Variants in SYTL1 observed in about 807,000 individuals in gnomAD.
SYTL1 encodes the protein synaptotagmin like 1.
In SYTL1, 53 loss-of-function variants were observed where a neutral mutation model predicts 74.6. The ratio of observed to expected loss-of-function variants is 0.71; its 90% confidence interval spans 0.57 to 0.89. The LOEUF is 0.89. Among genes scored for constraint, SYTL1 ranks in the 40% least tolerant of loss-of-function variants. The pLI is 0.00. For synonymous variants in SYTL1, 329 were observed against 324.9 expected, an observed-to-expected ratio of 1.01 and a Z score of -0.14; for missense variants, 728 against 768.7, an observed-to-expected ratio of 0.95 and a Z score of 0.63.
Position 27,351,194 on chromosome 1 carries a change from G to C in SYTL1, c.1165-64G>C. The C allele has an allele frequency of 2.6e-6, 4 of 1,531,314 alleles. No individual in the cohort carries two copies. The highest frequency in any genetic ancestry group is 2.3e-4 in the Middle Eastern group (1 of 4,316). The allele number at this position is 1,531,314 out of a possible 1,614,324, so 94.9% of individuals were successfully genotyped here. ...TAGCCGCACCCCATCCGGGTCTGCA[G>C]ACCCCACCCTCCTGAGGCCCCTTTC... On this transcript the variant is annotated intron_variant, in intron 11 of 14. Transcript: ENST00000616558. This position sits in a 1 kb window ranked among gnomAD's most constrained non-coding sequence, Gnocchi z 5.0.
At position 27,351,049 on chromosome 1, in the gene SYTL1, C is replaced by T; in HGVS notation, c.1164+97C>T. 6.9e-7 allele frequency: 1 copy of T among 1,454,346 alleles called. No homozygotes were observed. The highest frequency in any genetic ancestry group is 9.4e-7 in the Non-Finnish European group (1 of 1,068,724). 90.1% of individuals were successfully genotyped at this position (1,454,346 alleles called of 1,614,324 possible). On this transcript the variant is annotated intron_variant, in intron 11 of 14. Transcript: ENST00000616558. This position sits in a 1 kb window ranked among gnomAD's most constrained non-coding sequence, Gnocchi z 5.0. The stretch of plus-strand genomic sequence containing the variant: ...CAGCCCCCTCACACCCCGCCTTCGA[C>T]AGAACCTCCCCTCAACCTCTTAACC...
chr1:27,349,788 C>T (rs2015170192), intron 8 of SYTL1, 23 bp downstream of exon 8: 2 of 1,572,778 alleles, frequency 1.3e-6, no homozygotes, highest in Non-Finnish European at 1.7e-6. Context: ...GGAGGGGACC[C>T]GGGCGGCCGG....
At position 27,347,525 on chromosome 1, in the gene SYTL1, C is replaced by T. The variant is rs373705543; in HGVS notation, c.296C>T (p.Ser99Phe). 6.2e-7 allele frequency: 1 copy of T among 1,614,120 alleles called. No homozygotes were observed. Among genetic ancestry groups the T allele is most frequent in the South Asian group, 1.1e-5 (1 of 91,092 alleles). Reference protein sequence around the residue: ...SQRHHNAHFGSDLVRASMRRK... With the variant: ...SQRHHNAHFGFDLVRASMRRK... The stretch of plus-strand genomic sequence containing the variant: ...CGGCACCACAATGCCCACTTCGGCT[C>T]TGACCTTGTCCGAGCGTCTATGCGC... Residue 99 changes from serine to phenylalanine, a missense_variant, in exon 3 of 15, where the codon TCT (serine) becomes TTT (phenylalanine). Ser to Phe is a radical substitution (Grantham distance 155, BLOSUM62 -2). Coordinates refer to ENST00000616558, the MANE Select transcript of SYTL1 (RefSeq NM_001193308.2). The surrounding 1 kb of genome is among the most constrained non-coding windows in gnomAD (Gnocchi z 4.9).
chr1:27,343,758 G>A lies in SYTL1; in HGVS notation c.-38-1539G>A, dbSNP rs1167715597. Among the ~76,000 whole-genome samples the A allele has an allele frequency of 6.6e-6, 1 of 152,150 alleles. No individual in the cohort carries two copies. The highest frequency in any genetic ancestry group is 1.5e-5 in the Non-Finnish European group (1 of 68,016). ...GCTTTGAGGGTGACTCCCTCTCCCTGCCTCCAAGGAGCTCACAACCCAGTT... is the reference window on the plus strand; with the variant it reads ...GCTTTGAGGGTGACTCCCTCTCCCTACCTCCAAGGAGCTCACAACCCAGTT... On this transcript the variant is annotated intron_variant, in intron 1 of 14. Transcript: ENST00000616558. The surrounding 1 kb of genome is among the most constrained non-coding windows in gnomAD (Gnocchi z 5.2).
At position 27,343,825 on chromosome 1, in the gene SYTL1, T is replaced by G. The variant is rs1273656752; in HGVS notation, c.-38-1472T>G. The stretch of plus-strand genomic sequence containing the variant: ...TGTGCCAAAGTCTGTATGATTTTTA[T>G]GTACATCTTTATCGAGGGACATATT... On this transcript the variant is annotated intron_variant, in intron 1 of 14. Transcript: ENST00000616558. This position sits in a 1 kb window ranked among gnomAD's most constrained non-coding sequence, Gnocchi z 5.2. Among the ~76,000 whole-genome samples the G allele has an allele frequency of 6.6e-6, 1 of 152,228 alleles. No homozygotes were observed. Among genetic ancestry groups the G allele is most frequent in the Non-Finnish European group, 1.5e-5 (1 of 68,020 alleles).
chr1:27,345,112 A>T lies in SYTL1; in HGVS notation c.-38-185A>T. The T allele has an allele frequency of 2.5e-6, 1 of 404,432 alleles. No individual in the cohort carries two copies. The highest frequency in any genetic ancestry group is 4.4e-6 in the Non-Finnish European group (1 of 226,498). 25.1% of individuals were successfully genotyped at this position (404,432 alleles called of 1,614,324 possible). Reference sequence around the variant, plus strand: ...CTCTTGCTTCTTCCACTGTGTCTCCAAGTGTGTTCAAGGGCTAGTGTATGC... The same window carrying T: ...CTCTTGCTTCTTCCACTGTGTCTCCTAGTGTGTTCAAGGGCTAGTGTATGC... On this transcript the variant is annotated intron_variant, in intron 1 of 14. Coordinates refer to ENST00000616558, the MANE Select transcript of SYTL1 (RefSeq NM_001193308.2). The surrounding 1 kb of genome is among the most constrained non-coding windows in gnomAD (Gnocchi z 6.0).
In SYTL1 at chr1:27,347,969, T is replaced by C. The variant is rs1296043456; in HGVS notation, c.416T>C (p.Leu139Pro). Reference sequence around the variant, plus strand: ...GAGCGTCCTCTCCCTACTCCTAGGCTCACCATTGATGAGGCCCCTCAGGAG... The same window carrying C: ...GAGCGTCCTCTCCCTACTCCTAGGCCCACCATTGATGAGGCCCCTCAGGAG... ...KEKEEGPEPR[L>P]TIDEAPQERL... The change falls in exon 5 of 15, where the codon CTC becomes CCC. Residue 139 changes from leucine to proline, a missense_variant and splice_region_variant. Transcript: ENST00000616558. The surrounding 1 kb of genome is among the most constrained non-coding windows in gnomAD (Gnocchi z 4.9). 1 of 1,614,108 alleles carries C rather than the reference T, an allele frequency of 6.2e-7. No individual in the cohort carries two copies. Among genetic ancestry groups the C allele is most frequent in the Non-Finnish European group, 8.5e-7 (1 of 1,179,996 alleles).
chr1:27,347,974 A>G lies in SYTL1; in HGVS notation c.421A>G (p.Ile141Val). The change falls in exon 5 of 15, where the codon ATT becomes GTT. Residue 141 changes from isoleucine to valine, a missense_variant. By Grantham distance (29) the Ile-to-Val change is conservative. Coordinates refer to ENST00000616558, the MANE Select transcript of SYTL1 (RefSeq NM_001193308.2). The surrounding 1 kb of genome is among the most constrained non-coding windows in gnomAD (Gnocchi z 4.9). ...KEEGPEPRLT[I>V]DEAPQERLRE... ...TCCTCTCCCTACTCCTAGGCTCACC[A>G]TTGATGAGGCCCCTCAGGAGAGGCT... 6.2e-7 allele frequency: 1 copy of G among 1,614,160 alleles called. No homozygotes were observed. The highest frequency in any genetic ancestry group is 8.5e-7 in the Non-Finnish European group (1 of 1,179,998).
chr1:27,349,248 C>G (rs1039807746), intron 6 of SYTL1, 96 bp downstream of exon 6: 1 of 1,492,296 alleles, frequency 6.7e-7, no homozygotes, highest in Non-Finnish European at 9.1e-7. Context: ...CTCGTCACCC[C>G]CACTCCCACC....
In SYTL1 at chr1:27,342,312, G is replaced by A; in HGVS notation, c.-39+162G>A. The A allele has an allele frequency of 1.0e-6, 1 of 984,978 alleles. No homozygotes were observed. The highest frequency in any genetic ancestry group is 1.2e-6 in the Non-Finnish European group (1 of 829,542). 61.0% of individuals were successfully genotyped at this position (984,978 alleles called of 1,614,324 possible). ...TGGACAGACCCTCCTCTTGACCAAT[G>A]GGTCTGTCCCACCGTGTCAAAACAG... On this transcript the variant is annotated intron_variant, in intron 1 of 14. Coordinates refer to ENST00000616558, the MANE Select transcript of SYTL1 (RefSeq NM_001193308.2). The surrounding 1 kb of genome is among the most constrained non-coding windows in gnomAD (Gnocchi z 4.7).
At position 27,351,291 on chromosome 1, in the gene SYTL1, G is replaced by T. The variant is rs867895179; in HGVS notation, c.1198G>T (p.Gly400Trp). The T allele has an allele frequency of 1.3e-6, 2 of 1,563,270 alleles. No homozygotes were observed. Among genetic ancestry groups the T allele is most frequent in the Non-Finnish European group, 8.7e-7 (1 of 1,154,656 alleles). Residue 400 changes from glycine to tryptophan, a missense_variant, in exon 12 of 15, where the codon GGG becomes TGG. Gly to Trp is a radical substitution (Grantham distance 184). Coordinates refer to ENST00000616558, the MANE Select transcript of SYTL1 (RefSeq NM_001193308.2). The surrounding 1 kb of genome is among the most constrained non-coding windows in gnomAD (Gnocchi z 5.0). ...PPSPDDLPSR[G>W]LLALSLKYVP... ...CTCTCCCGACGACCTTCCGAGCCGCGGGTTACTCGCCCTGTCCCTCAAGTA... is the reference window on the plus strand; with the variant it reads ...CTCTCCCGACGACCTTCCGAGCCGCTGGTTACTCGCCCTGTCCCTCAAGTA...
Position 27,349,741 on chromosome 1 carries a change from G to A in SYTL1, c.723G>A (p.Ser241=). Residue 241 remains serine (S), a synonymous_variant, in exon 8 of 15, where the codon TCG becomes TCA. Transcript: ENST00000616558. ...ACCGCATGCTCAGCAGCAGCTCCTC[G>A]GTGTCCAGCCTTAACTCCTCCACGG... ...SLDRMLSSSS[S]VSSLNSSTLS... is the part of the protein sequence containing the mutation. 3.1e-6 allele frequency: 5 copies of A among 1,606,922 alleles called. No homozygotes were observed. Among genetic ancestry groups the A allele is most frequent in the Non-Finnish European group, 3.4e-6 (4 of 1,178,872 alleles).
Position 27,350,589 on chromosome 1 carries a change from C to A in SYTL1, c.1005+104C>A. ...CCAGTAACGTCATTGCCCGGAGGAT[C>A]GGCGGAGGGGGCCCATTAACTCGTT... On this transcript the variant is annotated intron_variant, in intron 10 of 14. Transcript: ENST00000616558. This position sits in a 1 kb window ranked among gnomAD's most constrained non-coding sequence, Gnocchi z 6.3. 1 of 1,131,070 alleles carries A rather than the reference C, an allele frequency of 8.8e-7. No homozygotes were observed. The highest frequency in any genetic ancestry group is 1.5e-5 in the African/African-American group (1 of 65,242). The allele number at this position is 1,131,070 out of a possible 1,614,324, so 70.1% of individuals were successfully genotyped here.
In SYTL1 at chr1:27,348,427, A is replaced by T. The variant is rs144758343; in HGVS notation, c.459+415A>T. ...CCCATGTCTATAAAAAATAAATAAA[A>T]AAAAAAGGCCGGTCGTGGCAGCTCA... On this transcript the variant is annotated intron_variant, in intron 5 of 14. Transcript: ENST00000616558. This position sits in a 1 kb window ranked among gnomAD's most constrained non-coding sequence, Gnocchi z 4.1. 1.6e-3 allele frequency among the ~76,000 whole-genome samples: 243 copies of T among 152,104 alleles called. 5 individuals are homozygous for T. In the East Asian group the frequency reaches 0.044, roughly 27 times the overall value.
In SYTL1 at chr1:27,351,542, A is replaced by G; in HGVS notation, c.1330A>G (p.Thr444Ala). Reference protein sequence around the residue: ...LLPLRAGSLDTYVQCFVLPDD... With the variant: ...LLPLRAGSLDAYVQCFVLPDD... Reference sequence around the variant, plus strand: ...GCCGCTGCGGGCAGGATCCCTGGACACTTACGTACAATGGTGAGGAGTGCT... The same window carrying G: ...GCCGCTGCGGGCAGGATCCCTGGACGCTTACGTACAATGGTGAGGAGTGCT... The change falls in exon 13 of 15, where the codon ACT becomes GCT. Residue 444 changes from threonine (T) to alanine (A), a missense_variant. Transcript: ENST00000616558. This position sits in a 1 kb window ranked among gnomAD's most constrained non-coding sequence, Gnocchi z 5.0. The G allele has an allele frequency of 6.5e-7, 1 of 1,545,910 alleles. No homozygotes were observed. Among genetic ancestry groups the G allele is most frequent in the Non-Finnish European group, 8.7e-7 (1 of 1,144,410 alleles).
rs775517848 is a variant in SYTL1 at position 27,351,764 on chromosome 1, T to C, written c.1343+209T>C. ...TGCATTTCAGCGTGACTGGCGCCTATAGGACTTGTTGAAAAGCTGAGGCTG... is the reference window on the plus strand; with the variant it reads ...TGCATTTCAGCGTGACTGGCGCCTACAGGACTTGTTGAAAAGCTGAGGCTG... On this transcript the variant is annotated intron_variant, in intron 13 of 14. Coordinates refer to ENST00000616558, the MANE Select transcript of SYTL1 (RefSeq NM_001193308.2). The surrounding 1 kb of genome is among the most constrained non-coding windows in gnomAD (Gnocchi z 5.0). 57 of 485,422 alleles carry C rather than the reference T, an allele frequency of 1.2e-4. No homozygotes were observed. Among genetic ancestry groups the C allele is most frequent in the Non-Finnish European group, 1.8e-4 (51 of 277,296 alleles). 30.1% of individuals were successfully genotyped at this position (485,422 alleles called of 1,614,324 possible).
At chr1:27,349,788 C>G (rs2015170192) in intron 8 of SYTL1, 23 bp downstream of exon 8, 2 of 1,572,662 alleles carry the variant, frequency 1.3e-6, no homozygotes, top group African/African-American at 1.4e-5. Flanking sequence ...GGAGGGGACC[C>G]GGGCGGCCGG....
In SYTL1 at chr1:27,351,808, C is replaced by T. The variant is rs1011348254; in HGVS notation, c.1343+253C>T. 1.5e-5 allele frequency: 6 copies of T among 409,560 alleles called. No homozygotes were observed. Among genetic ancestry groups the T allele is most frequent in the Non-Finnish European group, 2.2e-5 (5 of 231,916 alleles). The allele number at this position is 409,560 out of a possible 1,614,324, so 25.4% of individuals were successfully genotyped here. A position where few individuals can be genotyped will look rare whatever the true frequency, so the allele number is the denominator to read the frequency against. On this transcript the variant is annotated intron_variant, in intron 13 of 14. Transcript: ENST00000616558. This position sits in a 1 kb window ranked among gnomAD's most constrained non-coding sequence, Gnocchi z 5.0. ...GAGGCTGAGGGCTGCAAGGGTCCTT[C>T]CATAGAGAACCTGGGAGGCCAGGCT...
rs1466551531 is a variant in SYTL1 at position 27,348,072 on chromosome 1, G to C, written c.459+60G>C. 2 of 1,555,612 alleles carry C rather than the reference G, an allele frequency of 1.3e-6. No homozygotes were observed. The highest frequency in any genetic ancestry group is 1.4e-5 in the African/African-American group (1 of 73,914). ...CCTGGAGGGGAGGTGGAATGTGCAGGGGGCAGGGGGGAAAGAGCCCCAGCC... is the reference window on the plus strand; with the variant it reads ...CCTGGAGGGGAGGTGGAATGTGCAGCGGGCAGGGGGGAAAGAGCCCCAGCC... On this transcript the variant is annotated intron_variant, in intron 5 of 14. Coordinates refer to ENST00000616558, the MANE Select transcript of SYTL1 (RefSeq NM_001193308.2). This position sits in a 1 kb window ranked among gnomAD's most constrained non-coding sequence, Gnocchi z 4.1.
Sources: allele counts gnomAD v4.1 joint callset (sites outside exome capture counted in the v4.1 genomes callset), GRCh38; gene constraint gnomAD v4.1.1; non-coding constraint Gnocchi (gnomAD v3.1); transcripts MANE v1.5; gene names NCBI Gene and HGNC (gene_info 2026-07-23, HGNC 2026-07-21).